The following SCAI variants were observed in gnomAD, a reference collection of about 807,000 sequenced individuals.
SCAI encodes the protein protein SCAI.
Under a neutral mutation model 92.2 loss-of-function variants are expected in SCAI, and 24 were observed. The observed-to-expected ratio is 0.26, with a 90% CI of 0.19 to 0.37. The LOEUF is 0.37. Ranked by LOEUF, SCAI falls within the 10% of genes least tolerant of loss-of-function variation. SCAI has a pLI of 1.00. For synonymous variants in SCAI, 261 were observed against 258.6 expected (o/e 1.01, Z -0.09); for missense variants, 450 against 736.2 (o/e 0.61, Z 4.50).
intron 3 of SCAI, among the ~76,000 whole-genome samples, chr9:125,048,148 T>C (rs1290119457): frequency 6.6e-6 from 1 of 152,104 alleles, no homozygotes; most frequent in East Asian, 1.9e-4. Context: ...CCAGCTAATT[T>C]TGTATTTTTA....
intron 2 of SCAI, among the ~76,000 whole-genome samples, chr9:125,087,319 A>T (rs1834342440): frequency 6.6e-6 from 1 of 152,226 alleles, no homozygotes; most frequent in Non-Finnish European, 1.5e-5. Flanking sequence ...CCATCCAACA[A>T]ATATTGAGGA....
intron 17 of SCAI, among the ~76,000 whole-genome samples, chr9:124,964,038 A>T (rs1831495048): frequency 6.6e-6 from 1 of 152,006 alleles, no homozygotes; most frequent in Non-Finnish European, 1.5e-5. Context: ...CTGCTTTTTC[A>T]TTTCTCTAAA....
At chr9:124,953,261 A>T (rs1831259878) in intron 17 of SCAI, among the ~76,000 whole-genome samples, 1 of 152,144 alleles carries the variant, frequency 6.6e-6, no homozygotes, top group East Asian at 1.9e-4. Flanking sequence ...TACTGGGGGG[A>T]AAATCCTAAC....
At chr9:125,042,634 T>TGTGTGTGTGTGTGTACACAC (rs761672178) in intron 3 of SCAI, among the ~76,000 whole-genome samples, 5 of 96,190 alleles carry the variant, frequency 5.2e-5, no homozygotes, top group East Asian at 3.4e-4. Flanking sequence ...TGTGTGTGTG[T>TGTGTGTGTGTGTGTACACAC]ACACACACAC....
chr9:125,059,016 T>G (rs1833724643), intron 2 of SCAI, among the ~76,000 whole-genome samples: 1 of 152,194 alleles, frequency 6.6e-6, no homozygotes, highest in African/African-American at 2.4e-5. Context: ...AGTGAATAAA[T>G]GGAAAGTGTG....
At position 125,011,174 on chromosome 9, in the gene SCAI, C is replaced by T. The variant is rs893797665; in HGVS notation, c.862-7604G>A. On this transcript the variant is annotated intron_variant, in intron 9 of 17. Transcript: ENST00000336505. ...GCTCCTCACCAGCAACGGAACAAAG[C>T]TGGACGGAGAATGACTTTGACGAGT... 8.5e-5 allele frequency among the ~76,000 whole-genome samples: 13 copies of T among 152,376 alleles called. 1 individual carries two copies. Among genetic ancestry groups the T allele is most frequent in the African/African-American group, 2.4e-4 (10 of 41,596 alleles).
At chr9:125,085,572 C>T (rs1834309748) in intron 2 of SCAI, among the ~76,000 whole-genome samples, 2 of 152,060 alleles carry the variant, frequency 1.3e-5, no homozygotes, top group African/African-American at 4.8e-5. Flanking sequence ...CCTGTAATCC[C>T]AGCACTTTGG....
intron 5 of SCAI, among the ~76,000 whole-genome samples, chr9:125,027,218 A>G (rs972130146): frequency 6.6e-6 from 1 of 152,198 alleles, no homozygotes; most frequent in African/African-American, 2.4e-5. Flanking sequence ...ATCCTCTCCC[A>G]GGACTAGGCC....
At chr9:125,051,506 C>T (rs771261571) in intron 3 of SCAI, among the ~76,000 whole-genome samples, 41 of 152,044 alleles carry the variant, frequency 2.7e-4, no homozygotes, top group Non-Finnish European at 4.9e-4. Context: ...ATTTATATTT[C>T]AAAATAGCTC....
chr9:125,065,217 A>C (rs541780541), intron 2 of SCAI, among the ~76,000 whole-genome samples: 95 of 152,302 alleles, frequency 6.2e-4, no homozygotes, highest in African/African-American at 2.2e-3. Context: ...CACGGGGGAA[A>C]AAAAACAACA....
chr9:125,044,106 C>T (rs577553318), intron 3 of SCAI, among the ~76,000 whole-genome samples: 1 of 152,302 alleles, frequency 6.6e-6, no homozygotes, highest in South Asian at 2.1e-4. Context: ...CCTGTCACAA[C>T]TGACTGGGTG....
chr9:125,112,598 T>C (rs554346748), intron 2 of SCAI, among the ~76,000 whole-genome samples: 3 of 152,296 alleles, frequency 2.0e-5, no homozygotes, highest in South Asian at 2.1e-4. Context: ...CCAATAAACA[T>C]ATACAATGGT....
intron 3 of SCAI, among the ~76,000 whole-genome samples, chr9:125,037,339 C>G (rs1413418662): frequency 3.3e-5 from 5 of 150,192 alleles, no homozygotes; most frequent in Admixed American, 1.3e-4. Flanking sequence ...CCCTGGGAGG[C>G]TGAAGGGAGA....
intron 2 of SCAI, among the ~76,000 whole-genome samples, chr9:125,104,859 G>A (rs1834744513): frequency 6.6e-6 from 1 of 151,878 alleles, no homozygotes; most frequent in Non-Finnish European, 1.5e-5. Context: ...TCAGGAGGCT[G>A]AGGCAGGAGA....
At chr9:125,102,023 C>T (rs1834689586) in intron 2 of SCAI, among the ~76,000 whole-genome samples, 1 of 152,178 alleles carries the variant, frequency 6.6e-6, no homozygotes. Flanking sequence ...ACACTATGGA[C>T]ACTTGGGATC....
chr9:125,069,617 CTTTTTTTTT>C (rs919064250), intron 2 of SCAI, among the ~76,000 whole-genome samples: 1 of 91,032 alleles, frequency 1.1e-5, no homozygotes, highest in South Asian at 3.7e-4. Context: ...TGCACCCGGT[CTTTTTTTTT>C]TTTTTTTTTT....
At chr9:125,109,689 C>CTATCTATGTATG (rs573722446) in intron 2 of SCAI, among the ~76,000 whole-genome samples, 15 of 148,512 alleles carry the variant, frequency 1.0e-4, no homozygotes, top group African/African-American at 3.7e-4. Flanking sequence ...ATCTATCTAT[C>CTATCTATGTATG]TATGTATTTA....
chr9:125,063,346 T>C (rs964377331), intron 2 of SCAI, among the ~76,000 whole-genome samples: 5 of 145,292 alleles, frequency 3.4e-5, no homozygotes, highest in African/African-American at 1.3e-4. Flanking sequence ...CACTGCACTC[T>C]AGCCTAGGTG....
At chr9:125,118,855 C>T (rs570451256) in intron 2 of SCAI, among the ~76,000 whole-genome samples, 1 of 152,294 alleles carries the variant, frequency 6.6e-6, no homozygotes, top group South Asian at 2.1e-4. Flanking sequence ...CCAGCTTTAT[C>T]CATGTCCCTG....
Sources: gnomAD v4.1 joint callset for allele counts (sites outside exome capture counted in the v4.1 genomes callset) on GRCh38, gnomAD v4.1.1 for gene constraint, MANE v1.5 for transcripts, NCBI Gene and HGNC (gene_info 2026-07-23, HGNC 2026-07-21) for gene names.